Variants in GRIN2A observed in about 807,000 individuals in gnomAD.
GRIN2A encodes glutamate ionotropic receptor NMDA type subunit 2A.
A neutral mutation model predicts 113.4 loss-of-function variants in GRIN2A; 22 were observed. The ratio of observed to expected loss-of-function variants is 0.19; its 90% CI spans 0.14 to 0.28. The LOEUF is 0.28. Among genes scored for constraint, GRIN2A ranks in the 10% least tolerant of loss-of-function variants. GRIN2A has a pLI of 1.00. For missense variants in GRIN2A, 1,502 were observed against 1,887.0 expected (o/e 0.80, Z 3.78); for synonymous variants, 827 against 738.4 (o/e 1.12, Z -1.94).
At chr16:10,130,287 A>C (rs1596537035) in intron 2 of GRIN2A, among the ~76,000 whole-genome samples, 1 of 152,334 alleles carries the variant, frequency 6.6e-6, no homozygotes, top group East Asian at 1.9e-4. Context: ...GGGGAAAATC[A>C]AATCAGTAAT....
At chr16:10,154,693 A>G (rs2049652697) in intron 2 of GRIN2A, among the ~76,000 whole-genome samples, 1 of 152,210 alleles carries the variant, frequency 6.6e-6, no homozygotes, top group Admixed American at 6.5e-5. Flanking sequence ...CTACAAAAGT[A>G]TAGGAACGGC....
In GRIN2A at chr16:10,180,654, C is replaced by G. The variant is rs2050250337; in HGVS notation, c.-18-225G>C. The G allele has an allele frequency of 1.0e-5, 7 of 699,912 alleles. No homozygotes were observed. The East Asian group carries it at 1.9e-4, about 19-fold the overall frequency. The allele number at this position is 699,912 out of a possible 1,614,324, so 43.4% of individuals were successfully genotyped here. A position where few individuals can be genotyped will look rare whatever the true frequency, so the allele number is the denominator to read the frequency against. ...TTCGAGCTAATTCTCCATCCCCCAG[C>G]CCCTTCTCGCATCCAGCTTCCTCAT... On this transcript the variant is annotated intron_variant, in intron 1 of 12. Transcript: ENST00000330684. This position sits in a 1 kb window ranked among gnomAD's most constrained non-coding sequence, Gnocchi z 7.0.
chr16:9,871,043 C>T (rs528097196), intron 4 of GRIN2A, among the ~76,000 whole-genome samples: 26 of 152,254 alleles, frequency 1.7e-4, no homozygotes, highest in Admixed American at 6.5e-4. Context: ...TCTGCTCATT[C>T]GTGACTTTCC....
intron 2 of GRIN2A, among the ~76,000 whole-genome samples, chr16:10,071,610 C>T (rs996310728): frequency 6.6e-6 from 1 of 152,150 alleles, no homozygotes; most frequent in African/African-American, 2.4e-5. Flanking sequence ...TTTGGGAAGG[C>T]ATTGTATAGA....
At chr16:9,894,667 G>A (rs2141493552) in intron 3 of GRIN2A, among the ~76,000 whole-genome samples, 1 of 152,278 alleles carries the variant, frequency 6.6e-6, no homozygotes, top group African/African-American at 2.4e-5. Flanking sequence ...TTGAGCCTAA[G>A]TTAAGCTGTT....
intron 10 of GRIN2A, among the ~76,000 whole-genome samples, chr16:9,805,130 C>G (rs1178928682): frequency 6.6e-6 from 1 of 152,136 alleles, no homozygotes; most frequent in East Asian, 1.9e-4. Context: ...ACTGGCAAAT[C>G]TAATTGTCCC....
chr16:9,971,095 G>A (rs1391806790), intron 2 of GRIN2A, among the ~76,000 whole-genome samples: 1 of 152,166 alleles, frequency 6.6e-6, no homozygotes, highest in African/African-American at 2.4e-5. Flanking sequence ...TGACAAATAA[G>A]AGCAGACAGT....
chr16:9,804,802 C>T (rs1191846694), intron 10 of GRIN2A, among the ~76,000 whole-genome samples: 1 of 152,154 alleles, frequency 6.6e-6, no homozygotes, highest in Non-Finnish European at 1.5e-5. Context: ...ATCTTAGTGG[C>T]TGTGCGGGTG....
At chr16:10,136,407 C>T (rs1208536202) in intron 2 of GRIN2A, among the ~76,000 whole-genome samples, 5 of 152,134 alleles carry the variant, frequency 3.3e-5, no homozygotes, top group African/African-American at 9.7e-5. Context: ...CTAATGAAAC[C>T]AGGTCCTCCT....
chr16:9,892,180 G>A (rs1275527159), intron 3 of GRIN2A, among the ~76,000 whole-genome samples: 3 of 152,140 alleles, frequency 2.0e-5, no homozygotes, highest in East Asian at 1.9e-4. Flanking sequence ...ACGGTGAGCC[G>A]AGATCGTGCC....
intron 9 of GRIN2A, among the ~76,000 whole-genome samples, chr16:9,828,055 A>G (rs2042419730): frequency 6.6e-6 from 1 of 152,228 alleles, no homozygotes; most frequent in African/African-American, 2.4e-5. Context: ...TAGCCAGGAA[A>G]GACTTCCCTG....
Position 9,761,616 on chromosome 16 carries a change from C to G in GRIN2A, c.*1533G>C, listed in dbSNP as rs1455282723. On this transcript the variant is annotated 3_prime_UTR_variant, in exon 13 of 13. Coordinates refer to ENST00000330684, the MANE Select transcript of GRIN2A (RefSeq NM_001134407.3). ...AGAAAATCCTGATCTGAGAAAGTGT[C>G]ATAACATAGCAACTATCTTGTCGGG... The G allele has an allele frequency of 4.4e-6, 1 of 229,468 alleles. No homozygotes were observed. The highest frequency in any genetic ancestry group is 6.2e-5 in the East Asian group (1 of 16,070). The allele number at this position is 229,468 out of a possible 1,614,324, so 14.2% of individuals were successfully genotyped here.
chr16:9,835,798 A>G (rs533769024), intron 7 of GRIN2A, among the ~76,000 whole-genome samples: 7 of 152,178 alleles, frequency 4.6e-5, no homozygotes, highest in Non-Finnish European at 8.8e-5. Context: ...ACAAATTCCA[A>G]TTTAATGAGT....
rs535187120 is a variant in GRIN2A, at chr16:9,789,026, G to A, written c.2356+9251C>T. On this transcript the variant is annotated intron_variant, in intron 11 of 12. Coordinates refer to ENST00000330684, the MANE Select transcript of GRIN2A (RefSeq NM_001134407.3). ...CAAAGTGCTGGGATTACAGGTGTGA[G>A]CCACTGCACCCAGCCTTCTCTGCCC... 7.2e-5 allele frequency among the ~76,000 whole-genome samples: 11 copies of A among 152,296 alleles called. No homozygotes were observed. The South Asian group carries it at 1.5e-3, about 20-fold the overall frequency.
chr16:10,126,504 AG>A (rs1330934414), intron 2 of GRIN2A, among the ~76,000 whole-genome samples: 15 of 152,284 alleles, frequency 9.9e-5, no homozygotes, highest in African/African-American at 3.4e-4. Context: ...CAGTATTGGC[AG>A]GGTTTACTAT....
chr16:9,768,274 G>A (rs1227241557), intron 12 of GRIN2A, among the ~76,000 whole-genome samples: 2 of 152,038 alleles, frequency 1.3e-5, no homozygotes, highest in Non-Finnish European at 2.9e-5. Flanking sequence ...GGATGGTCTC[G>A]ATCTCCTGAC....
At chr16:9,835,451 G>A (rs1011986948) in intron 7 of GRIN2A, among the ~76,000 whole-genome samples, 2 of 152,122 alleles carry the variant, frequency 1.3e-5, no homozygotes, top group African/African-American at 4.8e-5. Flanking sequence ...CAACTTGATT[G>A]AGGATATGAA....
rs115153359 is a variant in GRIN2A at position 10,166,757 on chromosome 16, G to A, written c.414+13241C>T. Among the ~76,000 whole-genome samples, 804 of 152,198 alleles carry A rather than the reference G, an allele frequency of 5.3e-3. 12 individuals are homozygous for A. The highest frequency in any genetic ancestry group is 0.018 in the African/African-American group (750 of 41,510). ...ACACACTGCATGCGTCTACCTATAC[G>A]CAAATTTCTTCTCCCTCTGCCAACC... On this transcript the variant is annotated intron_variant, in intron 2 of 12. Transcript: ENST00000330684.
chr16:10,111,487 C>G, intron 2 of GRIN2A: 1 of 667,288 alleles, frequency 1.5e-6, no homozygotes, highest in Non-Finnish European at 2.7e-6. Context: ...CAACAACTTC[C>G]TGATTCTCCC....
Sources: allele counts gnomAD v4.1 joint callset (sites outside exome capture counted in the v4.1 genomes callset), GRCh38; gene constraint gnomAD v4.1.1; non-coding constraint Gnocchi (gnomAD v3.1); transcripts MANE v1.5; gene names NCBI Gene and HGNC (gene_info 2026-07-23, HGNC 2026-07-21).